The following MEGF6 variants were observed in gnomAD, a reference collection of about 807,000 sequenced individuals.
MEGF6 encodes multiple EGF like domains 6.
A neutral mutation model predicts 207.1 loss-of-function variants in MEGF6; 184 were observed. That is an observed-to-expected ratio of 0.89 (90% confidence interval 0.79 to 1.00). The LOEUF (loss-of-function observed/expected upper bound fraction) is 1.00. Ranked by LOEUF, MEGF6 falls within the 50% of genes least tolerant of loss-of-function variation. The pLI is 0.00. For missense variants in MEGF6, 2,282 were observed against 2,202.9 expected (o/e 1.04, Z -0.72); for synonymous variants, 1,038 against 910.0 (o/e 1.14, Z -2.53).
intron 1 of MEGF6, among the ~76,000 whole-genome samples, chr1:3,606,745 G>A (rs1644254670): frequency 6.6e-6 from 1 of 152,196 alleles, no homozygotes; most frequent in Non-Finnish European, 1.5e-5. Flanking sequence ...GGCGAGCCCT[G>A]GGCACAGGTG....
chr1:3,503,287 G>A (rs957727350), intron 17 of MEGF6, among the ~76,000 whole-genome samples: 77 of 152,182 alleles, frequency 5.1e-4, no homozygotes, highest in Admixed American at 3.9e-4. Context: ...GCTGGGTGGC[G>A]TCAGGGAACC....
chr1:3,543,585 C>T (rs1033892262), intron 4 of MEGF6, among the ~76,000 whole-genome samples: 30 of 152,172 alleles, frequency 2.0e-4, no homozygotes, highest in Non-Finnish European at 3.8e-4. Context: ...GGAGGCGGGG[C>T]GAGGCCAGGG....
chr1:3,584,879 G>A (rs1022730999), intron 3 of MEGF6, among the ~76,000 whole-genome samples: 6 of 152,260 alleles, frequency 3.9e-5, no homozygotes, highest in Admixed American at 1.3e-4. Context: ...CTCCCAGCCC[G>A]GAGGTGCCTG....
intron 4 of MEGF6, among the ~76,000 whole-genome samples, chr1:3,554,010 C>T (rs1023394342): frequency 6.6e-6 from 1 of 152,210 alleles, no homozygotes; most frequent in Non-Finnish European, 1.5e-5. Context: ...ACCTCAGGGG[C>T]AGGGACAAGC....
At chr1:3,589,385 G>A (rs984705190) in intron 3 of MEGF6, among the ~76,000 whole-genome samples, 3 of 151,342 alleles carry the variant, frequency 2.0e-5, no homozygotes, top group African/African-American at 4.9e-5. Flanking sequence ...CCCCACGCCC[G>A]TCCCATTTGC....
At chr1:3,579,970 G>T (rs761498648) in intron 3 of MEGF6, 41 bp from the exon 4 acceptor site, 7 of 1,399,860 alleles carry the variant, frequency 5.0e-6, no homozygotes, top group Non-Finnish European at 6.7e-6. Context: ...GGGCAAGGAG[G>T]GGTGAGGCAG....
Position 3,573,074 on chromosome 1 carries a change from G to T in MEGF6, c.481+6751C>A, listed in dbSNP as rs544721979. On this transcript the variant is annotated intron_variant, in intron 4 of 36. Coordinates refer to ENST00000356575, the MANE Select transcript of MEGF6 (RefSeq NM_001409.4). This position sits in a 1 kb window ranked among gnomAD's most constrained non-coding sequence, Gnocchi z 5.1. ...GTGCTGGGTCCTCCCTGGTGGGCTG[G>T]GTTCCCTCAGGTGTGCTGGGTCCTT... Among the ~76,000 whole-genome samples the T allele has an allele frequency of 6.7e-5, 10 of 148,440 alleles. No individual in the cohort carries two copies. The highest frequency in any genetic ancestry group is 3.6e-3 in the Middle Eastern group (1 of 278).
At chr1:3,510,022 G>A in intron 10 of MEGF6, 30 bp from the exon 11 acceptor site, 1 of 1,569,556 alleles carries the variant, frequency 6.4e-7, no homozygotes, top group Non-Finnish European at 8.6e-7. Context: ...ACTGAGGCCT[G>A]TGCTCCCAGG....
At chr1:3,493,592 G>T in intron 34 of MEGF6, 179 bp downstream of exon 34, 2 of 810,986 alleles carry the variant, frequency 2.5e-6, no homozygotes, top group South Asian at 1.9e-5. Context: ...GGCCATGCTT[G>T]GTACCGCATG....
At chr1:3,552,901 C>T (rs372230986) in intron 4 of MEGF6, among the ~76,000 whole-genome samples, 24 of 152,228 alleles carry the variant, frequency 1.6e-4, no homozygotes, top group African/African-American at 5.3e-4. Flanking sequence ...CGAGGCCCCA[C>T]CAGTGGACAG....
chr1:3,597,611 G>A (rs760894628), intron 2 of MEGF6, among the ~76,000 whole-genome samples: 1 of 152,218 alleles, frequency 6.6e-6, no homozygotes, highest in Non-Finnish European at 1.5e-5. Context: ...ATAAGAAGAG[G>A]GAAATTTGGA....
chr1:3,519,679 A>G (rs961346551), intron 5 of MEGF6, among the ~76,000 whole-genome samples: 29 of 152,212 alleles, frequency 1.9e-4, no homozygotes, highest in African/African-American at 7.0e-4. Flanking sequence ...CCAGCACACC[A>G]GGCGGCGGTC....
At chr1:3,563,975 G>A (rs1273497290) in intron 4 of MEGF6, among the ~76,000 whole-genome samples, 1 of 152,232 alleles carries the variant, frequency 6.6e-6, no homozygotes, top group Admixed American at 6.5e-5. Context: ...CCTGGGCATA[G>A]GCACAAACAG....
chr1:3,564,636 C>T (rs1226618825), intron 4 of MEGF6, among the ~76,000 whole-genome samples: 1 of 152,182 alleles, frequency 6.6e-6, no homozygotes, highest in African/African-American at 2.4e-5. Flanking sequence ...ACACAACCTC[C>T]TCACTGGACC....
At chr1:3,538,530 G>T (rs893726650) in intron 4 of MEGF6, among the ~76,000 whole-genome samples, 1 of 152,192 alleles carries the variant, frequency 6.6e-6, no homozygotes, top group Non-Finnish European at 1.5e-5. Context: ...GCAGAAACAG[G>T]GGGGAGCCCC....
In MEGF6 at chr1:3,501,778, G is replaced by C. The variant is rs151154904; in HGVS notation, c.2314+18C>G. On this transcript the variant is annotated intron_variant, in intron 18 of 36. Transcript: ENST00000356575. ...TGCAGCCTGGGGAGGCGGAACTGGG[G>C]CTGCGGCTGACACTCACCTGCCTCA... 8 of 1,609,086 alleles carry C rather than the reference G, an allele frequency of 5.0e-6. No homozygotes were observed. The highest frequency in any genetic ancestry group is 1.3e-5 in the African/African-American group (1 of 74,850).
chr1:3,538,037 G>A (rs1323221847), intron 4 of MEGF6, among the ~76,000 whole-genome samples: 1 of 152,196 alleles, frequency 6.6e-6, no homozygotes, highest in Non-Finnish European at 1.5e-5. Flanking sequence ...GGTACTAGAA[G>A]GAGGCCACTC....
intron 14 of MEGF6, among the ~76,000 whole-genome samples, chr1:3,506,574 T>C (rs569862930): frequency 6.6e-6 from 1 of 152,126 alleles, no homozygotes; most frequent in African/African-American, 2.4e-5. Context: ...CTAAGCTTGA[T>C]CTCAGAGCCT....
intron 15 of MEGF6, among the ~76,000 whole-genome samples, chr1:3,505,767 C>T (rs1401435786): frequency 6.6e-6 from 1 of 152,206 alleles, no homozygotes. Flanking sequence ...CTTGGCCTTG[C>T]TGCCAGGAAT....
Sources: allele counts gnomAD v4.1 joint callset (sites outside exome capture counted in the v4.1 genomes callset), GRCh38; gene constraint gnomAD v4.1.1; non-coding constraint Gnocchi (gnomAD v3.1); transcripts MANE v1.5; gene names NCBI Gene and HGNC (gene_info 2026-07-23, HGNC 2026-07-21).